CHODL: variants seen among roughly 807,000 people sequenced by gnomAD.
The protein encoded by CHODL is chondrolectin.
A neutral mutation model predicts 34.5 loss-of-function variants in CHODL; 29 were observed. That is an observed-to-expected ratio of 0.84 (90% CI 0.63 to 1.15). The LOEUF (loss-of-function observed/expected upper bound fraction) is 1.15, where lower values mean the gene tolerates loss of function less well. CHODL is among the 50% of genes most tolerant of loss of function. The pLI is 0.00. For synonymous variants in CHODL, 125 were observed against 116.1 expected (o/e 1.08, Z -0.49); for missense variants, 332 against 332.5 (o/e 1.00, Z 0.01).
At chr21:17,962,346 A>G (rs1209502842) in intron 1 of CHODL, among the ~76,000 whole-genome samples, 1 of 152,192 alleles carries the variant, frequency 6.6e-6, no homozygotes, top group African/African-American at 2.4e-5. Flanking sequence ...AATCAATGCT[A>G]TTTCATTGTG....
At chr21:17,940,464 A>G (rs1882922) in intron 1 of CHODL, among the ~76,000 whole-genome samples, 50,675 of 152,052 alleles carry the variant, frequency 0.33, 8,756 homozygotes, top group South Asian at 0.49. Flanking sequence ...TCAATTTACC[A>G]TGAAGTCTGA....
chr21:18,151,883 C>T (rs1393786833), intron 2 of CHODL, among the ~76,000 whole-genome samples: 8 of 152,036 alleles, frequency 5.3e-5, no homozygotes, highest in Admixed American at 5.2e-4. Flanking sequence ...CAGCTCACAC[C>T]TCCAAATGCC....
At chr21:18,219,142 C>T (rs1467544536) in intron 2 of CHODL, among the ~76,000 whole-genome samples, 1 of 152,144 alleles carries the variant, frequency 6.6e-6, no homozygotes, top group African/African-American at 2.4e-5. Context: ...CAATCTCATG[C>T]TACTGTAAAG....
chr21:18,063,857 T>A (rs1362204873), intron 2 of CHODL, among the ~76,000 whole-genome samples: 2 of 151,862 alleles, frequency 1.3e-5, no homozygotes, highest in Non-Finnish European at 2.9e-5. Flanking sequence ...GCATCCTTTC[T>A]CTCACTCACT....
chr21:18,015,556 G>A (rs1383650243), intron 1 of CHODL, among the ~76,000 whole-genome samples: 2 of 152,148 alleles, frequency 1.3e-5, no homozygotes, highest in Non-Finnish European at 2.9e-5. Context: ...TGAAAATGGG[G>A]AAGTGACCTT....
At chr21:17,963,179 T>C (rs1568819051) in intron 1 of CHODL, among the ~76,000 whole-genome samples, 1 of 152,192 alleles carries the variant, frequency 6.6e-6, no homozygotes, top group African/African-American at 2.4e-5. Context: ...CTTATTCCAT[T>C]TGGATACACC....
At chr21:17,975,867 T>C (rs1229934410) in intron 1 of CHODL, among the ~76,000 whole-genome samples, 2 of 152,126 alleles carry the variant, frequency 1.3e-5, no homozygotes, top group African/African-American at 2.4e-5. Flanking sequence ...GCCCTCAAGA[T>C]GTATGTTCCT....
chr21:18,055,190 G>T (rs777694459), intron 2 of CHODL, among the ~76,000 whole-genome samples: 4 of 151,772 alleles, frequency 2.6e-5, no homozygotes, highest in African/African-American at 9.7e-5. Flanking sequence ...TTGTTAGTTG[G>T]CAAATATGTA....
chr21:18,176,798 A>G (rs1274710538), intron 2 of CHODL, among the ~76,000 whole-genome samples: 1 of 152,152 alleles, frequency 6.6e-6, no homozygotes, highest in Non-Finnish European at 1.5e-5. Flanking sequence ...AATTTAGGAA[A>G]ATTATTTTAT....
Position 18,194,436 on chromosome 21 carries a change from T to C in CHODL, c.-44-62073T>C, listed in dbSNP as rs1407413239. ...CAAGCTCATCCCCAGCTTTCTCCTT[T>C]GCACTAGCTGGTTCATTTTCCTCGA... On this transcript the variant is annotated intron_variant, in intron 2 of 6. Transcript: ENST00000400127. Among the ~76,000 whole-genome samples the C allele has an allele frequency of 1.3e-5, 2 of 152,182 alleles. 1 individual carries two copies. The highest frequency in any genetic ancestry group is 1.3e-4 in the Admixed American group (2 of 15,276).
chr21:18,250,580 T>C (rs1199866556), intron 1 of CHODL, among the ~76,000 whole-genome samples: 3 of 152,036 alleles, frequency 2.0e-5, no homozygotes, highest in Non-Finnish European at 2.9e-5. Context: ...AAACTCTTTA[T>C]AAGAAAAAAT....
intron 1 of CHODL, among the ~76,000 whole-genome samples, chr21:17,967,032 C>T: frequency 6.6e-6 from 1 of 151,848 alleles, no homozygotes. Flanking sequence ...TTACAGGCAC[C>T]CACCACCATG....
chr21:18,159,233 A>G lies in CHODL; in HGVS notation c.-44-97276A>G, dbSNP rs78453037. On this transcript the variant is annotated intron_variant, in intron 2 of 6. Transcript: ENST00000400127. ...AAAGAATTATCCAGCACAAAATGTC[A>G]ATATCATCAAGGTTGACAAACCCTG... Among the ~76,000 whole-genome samples, 8 of 152,342 alleles carry G rather than the reference A, an allele frequency of 5.3e-5. No individual in the cohort carries two copies. In the East Asian group the frequency reaches 1.5e-3, roughly 29 times the overall value.
chr21:18,103,750 G>C (rs1367931757), intron 2 of CHODL, among the ~76,000 whole-genome samples: 1 of 152,064 alleles, frequency 6.6e-6, no homozygotes, highest in Non-Finnish European at 1.5e-5. Flanking sequence ...TTCCATAGAA[G>C]CTGGCTTTTT....
At chr21:18,133,428 A>G (rs2072681985) in intron 2 of CHODL, among the ~76,000 whole-genome samples, 1 of 152,176 alleles carries the variant, frequency 6.6e-6, no homozygotes, top group Non-Finnish European at 1.5e-5. Context: ...TAAAGAACTA[A>G]CATGAAAAAT....
chr21:18,206,047 C>T (rs1031170642), intron 2 of CHODL, among the ~76,000 whole-genome samples: 1 of 152,150 alleles, frequency 6.6e-6, no homozygotes, highest in East Asian at 1.9e-4. Context: ...AGTTTTGTGG[C>T]CTAACATGTA....
intron 2 of CHODL, among the ~76,000 whole-genome samples, chr21:18,049,919 T>C (rs1446387301): frequency 1.3e-5 from 2 of 152,038 alleles, no homozygotes; most frequent in East Asian, 3.9e-4. Flanking sequence ...CCCGTGTTTG[T>C]TGAGCTTCTC....
At chr21:17,973,940 T>C (rs2063640381) in intron 1 of CHODL, among the ~76,000 whole-genome samples, 1 of 152,142 alleles carries the variant, frequency 6.6e-6, no homozygotes, top group Non-Finnish European at 1.5e-5. Context: ...AATAAATGTA[T>C]GTACTGGGGA....
chr21:17,926,281 A>G (rs2084852568), intron 1 of CHODL, among the ~76,000 whole-genome samples: 1 of 152,176 alleles, frequency 6.6e-6, no homozygotes, highest in African/African-American at 2.4e-5. Flanking sequence ...TAGGTTAGAC[A>G]ACAGAATTAT....
Sources: allele counts gnomAD v4.1 joint callset (sites outside exome capture counted in the v4.1 genomes callset), GRCh38; gene constraint gnomAD v4.1.1; transcripts MANE v1.5; gene names NCBI Gene and HGNC (gene_info 2026-07-23, HGNC 2026-07-21).